Variants in POLQ observed in about 807,000 individuals in gnomAD.
The protein encoded by POLQ is epididymis secretory sperm binding protein.
A neutral mutation model predicts 259.2 loss-of-function variants in POLQ; 233 were observed. The ratio of observed to expected loss-of-function variants is 0.90; its 90% CI spans 0.81 to 1.00. The LOEUF is 1.00. POLQ is among the 50% of genes least tolerant of loss of function. POLQ has a pLI of 0.00. For synonymous variants in POLQ, 1,025 were observed against 1,048.8 expected (o/e 0.98, Z 0.44); for missense variants, 2,871 against 3,051.6 (o/e 0.94, Z 1.39).
Position 121,473,389 on chromosome 3 carries a change from T to C in POLQ, c.6504A>G (p.Gly2168=), listed in dbSNP as rs2047900743. ...ACTGTCTTCCCAGCCTTAGCTTGCG[T>C]CCATTGTCAATCCCTCTTCTGGTAG... is the stretch of plus-strand genomic sequence containing the variant. ...LGSTRRGIDN[G]RKLRLGRQFS... Residue 2168 remains glycine, a synonymous_variant, in exon 21 of 30, where the codon GGA becomes GGG. Transcript: ENST00000264233. 1.2e-6 allele frequency: 2 copies of C among 1,614,012 alleles called. No homozygotes were observed. Among genetic ancestry groups the C allele is most frequent in the African/African-American group, 1.3e-5 (1 of 74,932 alleles).
intron 29 of POLQ, 27 bp from the exon 30 acceptor site, chr3:121,432,444 A>G: frequency 6.9e-6 from 11 of 1,596,052 alleles, no homozygotes; most frequent in Non-Finnish European, 9.4e-6. Flanking sequence ...TGTAGTTAAC[A>G]AACTGCCCAG....
At position 121,487,442 on chromosome 3, in the gene POLQ, A is replaced by G; in HGVS notation, c.5489T>C (p.Val1830Ala). ...SSSESLSIID[V>A]ASDQNLFQTF... ...TTGGAAAAGATTTTGGTCACTTGCTACATCAATTATGGACAAACTTTCTGA... is the reference window on the plus strand; with the variant it reads ...TTGGAAAAGATTTTGGTCACTTGCTGCATCAATTATGGACAAACTTTCTGA... The change falls in exon 16 of 30, where the codon GTA becomes GCA. Residue 1830 changes from valine (V) to alanine (A), a missense_variant. This residue lies in a region of POLQ where 2,080 missense variants were observed against 2,126.0 expected (regional missense o/e 0.98). Transcript: ENST00000264233. 1 of 1,614,092 alleles carries G rather than the reference A, an allele frequency of 6.2e-7. No homozygotes were observed.
chr3:121,542,235 G>C (rs149951572), intron 2 of POLQ, among the ~76,000 whole-genome samples: 73 of 152,018 alleles, frequency 4.8e-4, no homozygotes, highest in African/African-American at 1.7e-3. Flanking sequence ...GAAAGCAAGA[G>C]GAGGCCACGA....
chr3:121,485,320 C>T (rs1187105282), intron 16 of POLQ, 136 bp from the exon 17 acceptor site: 1 of 535,786 alleles, frequency 1.9e-6, no homozygotes, highest in South Asian at 3.1e-5. Flanking sequence ...TTTGGACAGT[C>T]ATTTTAAGTA....
At chr3:121,501,519 C>T (rs2048167857) in intron 12 of POLQ, among the ~76,000 whole-genome samples, 2 of 150,510 alleles carry the variant, frequency 1.3e-5, no homozygotes, top group African/African-American at 4.9e-5. Flanking sequence ...ATTAGCTGGG[C>T]GTAGTGGCGG....
intron 9 of POLQ, among the ~76,000 whole-genome samples, chr3:121,514,697 G>A (rs2048282741): frequency 6.6e-6 from 1 of 151,818 alleles, no homozygotes. Context: ...AAGCAAGGAG[G>A]TAGAGCTCAC....
At position 121,484,321 on chromosome 3, in the gene POLQ, T is replaced by C. The variant is rs72969983; in HGVS notation, c.5773+720A>G. ...ACTCTAAAGACTTCTCCAAAGTTTATATAATTCGACTACTATAGATCTCTA... is the reference window on the plus strand; with the variant it reads ...ACTCTAAAGACTTCTCCAAAGTTTACATAATTCGACTACTATAGATCTCTA... On this transcript the variant is annotated intron_variant, in intron 17 of 29. Transcript: ENST00000264233. 3.3e-3 allele frequency among the ~76,000 whole-genome samples: 502 copies of C among 152,344 alleles called. 5 individuals carry two copies. Among genetic ancestry groups the C allele is most frequent in the African/African-American group, 0.011 (477 of 41,578 alleles).
intron 20 of POLQ, among the ~76,000 whole-genome samples, chr3:121,476,199 A>G (rs2047924017): frequency 6.6e-6 from 1 of 152,146 alleles, no homozygotes. Flanking sequence ...GAAATGACCA[A>G]CTTCCTGGAA....
chr3:121,462,240 C>T (rs2047797984), intron 24 of POLQ, among the ~76,000 whole-genome samples: 1 of 151,970 alleles, frequency 6.6e-6, no homozygotes, highest in Non-Finnish European at 1.5e-5. Flanking sequence ...CACAGACAAC[C>T]ACAAAATTGG....
intron 25 of POLQ, among the ~76,000 whole-genome samples, chr3:121,453,397 T>A (rs2047697504): frequency 6.6e-6 from 1 of 152,184 alleles, no homozygotes; most frequent in South Asian, 2.1e-4. Flanking sequence ...GGAGAATGAC[T>A]TTGACGAGTT....
chr3:121,539,655 C>G, intron 3 of POLQ, 66 bp from the exon 4 acceptor site: 1 of 1,216,536 alleles, frequency 8.2e-7, no homozygotes, highest in African/African-American at 1.5e-5. Flanking sequence ...TAAACTGGTT[C>G]TATCCCAGAA....
chr3:121,481,738 A>T lies in POLQ; in HGVS notation c.6045T>A (p.His2015Gln). ...LHSIVTSFLPHELPLLEGMET... is the reference protein window; with the variant it reads ...LHSIVTSFLPQELPLLEGMET... ...CCATCCCTTCTAGGAGTGGAAGCTC[A>T]TGAGGAAGAAAACTGGTAACTATGC... The change falls in exon 19 of 30, where the codon CAT becomes CAA. Residue 2015 changes from histidine (H) to glutamine (Q), a missense_variant. Coordinates refer to ENST00000264233, the MANE Select transcript of POLQ (RefSeq NM_199420.4). 2.5e-6 allele frequency: 4 copies of T among 1,614,010 alleles called. No individual in the cohort carries two copies. The highest frequency in any genetic ancestry group is 3.4e-6 in the Non-Finnish European group (4 of 1,179,886).
In POLQ at chr3:121,478,576, T is replaced by TAA. The variant is rs143898506; in HGVS notation, c.6212-1845_6212-1844dup. Among the ~76,000 whole-genome samples the TAA allele has an allele frequency of 3.9e-3, 299 of 77,370 alleles. 1 individual carries two copies. Among genetic ancestry groups the TAA allele is most frequent in the African/African-American group, 0.011 (207 of 18,812 alleles). The allele number at this position is 77,370 out of a possible 152,430, so 50.8% of individuals were successfully genotyped here. On this transcript the variant is annotated intron_variant, in intron 19 of 29. Coordinates refer to ENST00000264233, the MANE Select transcript of POLQ (RefSeq NM_199420.4). ...GAATCACAATAAATTGGCAAATTTG[T>TAA]AAAAAAAAAAAAAAAAAAAAAAAAG... is the stretch of plus-strand genomic sequence containing the variant.
chr3:121,459,186 A>G (rs1576404458), intron 25 of POLQ, among the ~76,000 whole-genome samples: 1 of 152,172 alleles, frequency 6.6e-6, no homozygotes, highest in South Asian at 2.1e-4. Context: ...TAGGTAGATT[A>G]CTAACCAATA....
chr3:121,490,079 T>G lies in POLQ; in HGVS notation c.2852A>C (p.His951Pro). The G allele has an allele frequency of 6.3e-7, 1 of 1,584,912 alleles. No individual in the cohort carries two copies. The highest frequency in any genetic ancestry group is 8.6e-7 in the Non-Finnish European group (1 of 1,164,562). ...NTIFSDSYIK[H>P]SPNIVQDLNK... Reference sequence around the variant, plus strand: ...TAAGTCTTGCACTATATTTGGTGAATGCTTAATATAAGAATCACTAAATAT... The same window carrying G: ...TAAGTCTTGCACTATATTTGGTGAAGGCTTAATATAAGAATCACTAAATAT... Residue 951 changes from histidine (H) to proline (P), a missense_variant, in exon 16 of 30, where the codon CAT becomes CCT. Physicochemically the swap from His to Pro is moderately conservative, Grantham distance 77. Transcript: ENST00000264233.
chr3:121,488,497 A>G lies in POLQ; in HGVS notation c.4434T>C (p.Val1478=), dbSNP rs376000636. The part of the protein sequence containing the change: ...PTGVEGECLP[V]PETSLNMSDS... ...CACTCATATTCAAACTTGTTTCAGGAACTGGAAGACATTCTCCTTCTACAC... is the reference window on the plus strand; with the variant it reads ...CACTCATATTCAAACTTGTTTCAGGGACTGGAAGACATTCTCCTTCTACAC... Residue 1478 remains valine (V), a synonymous_variant, in exon 16 of 30, where the codon GTT becomes GTC. Coordinates refer to ENST00000264233, the MANE Select transcript of POLQ (RefSeq NM_199420.4). The G allele has an allele frequency of 9.3e-6, 15 of 1,608,734 alleles. No homozygotes were observed. The highest frequency in any genetic ancestry group is 1.1e-5 in the Non-Finnish European group (13 of 1,178,144).
In POLQ at chr3:121,464,030, G is replaced by A. The variant is rs1053606083; in HGVS notation, c.6967+3489C>T. On this transcript the variant is annotated intron_variant, in intron 24 of 29. Coordinates refer to ENST00000264233, the MANE Select transcript of POLQ (RefSeq NM_199420.4). Reference sequence around the variant, plus strand: ...CATGAGAGTCCTACAAAGATTAACTGTACTCCAGTTCAATATTTTCTTGAA... The same window carrying A: ...CATGAGAGTCCTACAAAGATTAACTATACTCCAGTTCAATATTTTCTTGAA... 7.9e-5 allele frequency among the ~76,000 whole-genome samples: 12 copies of A among 152,204 alleles called. No individual in the cohort carries two copies. The South Asian group carries it at 2.1e-3, about 26-fold the overall frequency.
At position 121,522,035 on chromosome 3, in the gene POLQ, G is replaced by A; in HGVS notation, c.1223C>T (p.Thr408Ile). The A allele has an allele frequency of 6.3e-7, 1 of 1,597,040 alleles. No individual in the cohort carries two copies. The highest frequency in any genetic ancestry group is 8.5e-7 in the Non-Finnish European group (1 of 1,173,066). Residue 408 changes from threonine to isoleucine, a missense_variant, in exon 8 of 30, where the codon ACT (threonine) becomes ATT (isoleucine). Physicochemically the swap from Thr to Ile is moderately conservative, Grantham distance 89. Transcript: ENST00000264233. The part of the protein sequence containing the change: ...PSGLDSVLQK[T>I]VPWGVAFHHA... ...ATGAAATGCTACTCCCCATGGTACA[G>A]TTTTCTGTAATACAGAGTCCAGTCC... is the stretch of plus-strand genomic sequence containing the variant.
At chr3:121,531,055 C>T (rs907028598) in intron 6 of POLQ, among the ~76,000 whole-genome samples, 2 of 152,008 alleles carry the variant, frequency 1.3e-5, no homozygotes, top group Admixed American at 6.6e-5. Flanking sequence ...GGCATGGTGG[C>T]GCATGTCTGT....
Sources: gnomAD v4.1 joint callset for allele counts (sites outside exome capture counted in the v4.1 genomes callset) on GRCh38, gnomAD v4.1.1 for gene constraint, gnomAD v4.1.1 regional missense constraint, MANE v1.5 for transcripts, NCBI Gene and HGNC (gene_info 2026-07-23, HGNC 2026-07-21) for gene names.